PRDM16: variants seen among roughly 807,000 people sequenced by gnomAD.
The protein encoded by PRDM16 is histone-lysine N-methyltransferase PRDM16.
Under a neutral mutation model 110.6 loss-of-function variants are expected in PRDM16, and 23 were observed. The ratio of observed to expected loss-of-function variants is 0.21; its 90% CI spans 0.15 to 0.29. The LOEUF (loss-of-function observed/expected upper bound fraction) is 0.29. Among genes scored for constraint, PRDM16 ranks in the 10% least tolerant of loss-of-function variants. The probability of loss-of-function intolerance (pLI) is 1.00; values close to 1 mark genes in which losing one functional copy is unlikely to be tolerated. For synonymous variants in PRDM16, 799 were observed against 781.8 expected, an observed-to-expected ratio of 1.02 and a Z score of -0.37; for missense variants, 1,615 against 1,794.3, an observed-to-expected ratio of 0.90 and a Z score of 1.81.
intron 1 of PRDM16, among the ~76,000 whole-genome samples, chr1:3,107,354 G>A (rs79291050): frequency 0.016 from 2,396 of 152,278 alleles, 63 homozygotes; most frequent in African/African-American, 0.053. Context: ...GGCTGGGCCG[G>A]GGGAGCCATT....
Position 3,284,108 on chromosome 1 carries a change from G to A in PRDM16, c.438+39971G>A, listed in dbSNP as rs368617084. ...GGGCCTGGGGCAGGGGCTGCTGCCC[G>A]CCACCCGCCACCCGTAGCCCGCCCG... On this transcript the variant is annotated intron_variant, in intron 3 of 16. Coordinates refer to ENST00000270722, the MANE Select transcript of PRDM16 (RefSeq NM_022114.4). Among the ~76,000 whole-genome samples the A allele has an allele frequency of 2.4e-4, 37 of 152,252 alleles. No individual in the cohort carries two copies. In the East Asian group the frequency reaches 2.7e-3, roughly 11 times the overall value.
At position 3,069,878 on chromosome 1, in the gene PRDM16, G is replaced by A. The variant is rs1641705228; in HGVS notation, c.37+582G>A. On this transcript the variant is annotated intron_variant, in intron 1 of 16. Coordinates refer to ENST00000270722, the MANE Select transcript of PRDM16 (RefSeq NM_022114.4). The surrounding 1 kb of genome is among the most constrained non-coding windows in gnomAD (Gnocchi z 6.1). ...GGGGGCGCGGGCCGGCGCCCACCCGGCTCCGCGGGCGCAGGGGCAGGGGTG... is the reference window on the plus strand; with the variant it reads ...GGGGGCGCGGGCCGGCGCCCACCCGACTCCGCGGGCGCAGGGGCAGGGGTG... Among the ~76,000 whole-genome samples the A allele has an allele frequency of 6.6e-6, 1 of 151,736 alleles. No individual in the cohort carries two copies. The highest frequency in any genetic ancestry group is 1.5e-5 in the Non-Finnish European group (1 of 67,872).
chr1:3,166,424 T>G (rs980481599), intron 1 of PRDM16, among the ~76,000 whole-genome samples: 1 of 152,222 alleles, frequency 6.6e-6, no homozygotes, highest in Non-Finnish European at 1.5e-5. Context: ...AGCCAAACGC[T>G]GAGGCGCGTC....
chr1:3,150,389 CAA>C (rs34595741), intron 1 of PRDM16, among the ~76,000 whole-genome samples: 2,260 of 104,468 alleles, frequency 0.022, 67 homozygotes, highest in African/African-American at 0.068. Flanking sequence ...AACCCCATCT[CAA>C]AAAAAAAAAA....
chr1:3,376,917 T>C (rs1569610389), intron 3 of PRDM16, among the ~76,000 whole-genome samples: 1 of 152,202 alleles, frequency 6.6e-6, no homozygotes, highest in South Asian at 2.1e-4. Context: ...AGCCCCCTAT[T>C]GGGCATCAGG....
At chr1:3,272,108 G>C (rs1414416057) in intron 3 of PRDM16, among the ~76,000 whole-genome samples, 6 of 152,204 alleles carry the variant, frequency 3.9e-5, no homozygotes, top group Non-Finnish European at 7.3e-5. Flanking sequence ...GAGGTGGCTG[G>C]TGGCCAGGCA....
At chr1:3,189,541 G>A (rs919844370) in intron 2 of PRDM16, among the ~76,000 whole-genome samples, 5 of 152,244 alleles carry the variant, frequency 3.3e-5, no homozygotes, top group Admixed American at 2.6e-4. Context: ...ATGTATAATT[G>A]TTCACTTTCA....
intron 1 of PRDM16, among the ~76,000 whole-genome samples, chr1:3,129,501 G>T (rs754153937): frequency 2.6e-5 from 4 of 152,140 alleles, no homozygotes; most frequent in Non-Finnish European, 5.9e-5. Flanking sequence ...CACAACACTG[G>T]CTGAACCACA....
Position 3,437,504 on chromosome 1 carries a change from GCACTGCAGCCTTGTGGGGGAGGGCAA to G in PRDM16, c.*3694_*3719del, listed in dbSNP as rs1638942664. 1 of 229,750 alleles carries G rather than the reference GCACTGCAGCCTTGTGGGGGAGGGCAA, an allele frequency of 4.4e-6. No individual in the cohort carries two copies. Among genetic ancestry groups the G allele is most frequent in the Non-Finnish European group, 8.6e-6 (1 of 115,938 alleles). 14.2% of individuals were successfully genotyped at this position (229,750 alleles called of 1,614,324 possible). A position where few individuals can be genotyped will look rare whatever the true frequency, so the allele number is the denominator to read the frequency against. The stretch of plus-strand genomic sequence containing the variant: ...GGGAGGGAGAGCAGAGCTCGCCCCT[GCACTGCAGCCTTGTGGGGGAGGGCAA>G]GGCTCTCCTCCCAGCCAGGGACGCC... On this transcript the variant is annotated 3_prime_UTR_variant, in exon 17 of 17. Transcript: ENST00000270722.
intron 2 of PRDM16, among the ~76,000 whole-genome samples, chr1:3,196,070 A>C (rs1203115440): frequency 6.6e-6 from 1 of 152,210 alleles, no homozygotes. Flanking sequence ...AGGGGCCCAG[A>C]GGCAGGTGTG....
rs183332466 is a variant in PRDM16 at position 3,270,479 on chromosome 1, G to A, written c.438+26342G>A. ...AGGACAGTCGGCGAGGAGGACAGTC[G>A]GGGAGGACAGTTCCAGAGGAGGACA... is the stretch of plus-strand genomic sequence containing the variant. On this transcript the variant is annotated intron_variant, in intron 3 of 16. Transcript: ENST00000270722. 6.0e-4 allele frequency among the ~76,000 whole-genome samples: 91 copies of A among 151,006 alleles called. No homozygotes were observed. The East Asian group carries it at 0.015, about 25-fold the overall frequency.
At chr1:3,091,347 G>A (rs763317821) in intron 1 of PRDM16, among the ~76,000 whole-genome samples, 1 of 152,114 alleles carries the variant, frequency 6.6e-6, no homozygotes, top group African/African-American at 2.4e-5. Flanking sequence ...TGACTTAAGC[G>A]GGTGCAGCCA....
intron 1 of PRDM16, among the ~76,000 whole-genome samples, chr1:3,104,839 G>A (rs1211762552): frequency 6.6e-6 from 1 of 152,144 alleles, no homozygotes; most frequent in Non-Finnish European, 1.5e-5. Flanking sequence ...CCCAGCTCCT[G>A]GCAGCATCTG....
chr1:3,312,161 A>G (rs1641476919), intron 3 of PRDM16, among the ~76,000 whole-genome samples: 1 of 152,188 alleles, frequency 6.6e-6, no homozygotes, highest in Non-Finnish European at 1.5e-5. Flanking sequence ...TGCTGGGTTT[A>G]AATGAGATCT....
rs1484873097 is a variant in PRDM16 at position 3,434,335 on chromosome 1, T to A, written c.*524T>A. The A allele has an allele frequency of 4.3e-6, 1 of 232,646 alleles. No individual in the cohort carries two copies. The highest frequency in any genetic ancestry group is 8.5e-6 in the Non-Finnish European group (1 of 117,850). 14.4% of individuals were successfully genotyped at this position (232,646 alleles called of 1,614,324 possible). A position where few individuals can be genotyped will look rare whatever the true frequency, so the allele number is the denominator to read the frequency against. ...TATTTTTTAAAAATCAAAAAATGACTTGCAAATTGTTTTTTAAAAGTAATT... is the reference window on the plus strand; with the variant it reads ...TATTTTTTAAAAATCAAAAAATGACATGCAAATTGTTTTTTAAAAGTAATT... On this transcript the variant is annotated 3_prime_UTR_variant, in exon 17 of 17. Coordinates refer to ENST00000270722, the MANE Select transcript of PRDM16 (RefSeq NM_022114.4).
Position 3,223,369 on chromosome 1 carries a change from G to A in PRDM16, c.388-20718G>A, listed in dbSNP as rs376942000. On this transcript the variant is annotated intron_variant, in intron 2 of 16. Transcript: ENST00000270722. ...CTGTTATCGTTTGGCTGCTAGAAGC[G>A]CTGCTGATGAGCCGAAGTTCATCTT... Among the ~76,000 whole-genome samples, 82 of 152,164 alleles carry A rather than the reference G, an allele frequency of 5.4e-4. 1 individual carries two copies. In the South Asian group the frequency reaches 9.1e-3, roughly 17 times the overall value.
At position 3,364,256 on chromosome 1, in the gene PRDM16, G is replaced by A. The variant is rs76524673; in HGVS notation, c.439-20896G>A. Among the ~76,000 whole-genome samples the A allele has an allele frequency of 2.3e-4, 35 of 152,272 alleles. No homozygotes were observed. In the East Asian group the frequency reaches 3.7e-3, roughly 16 times the overall value. ...GAAGACAGAGCAAAGCTTTTCCTTC[G>A]GCGTGAGGTCCTGGGCGGAGGTCTG... On this transcript the variant is annotated intron_variant, in intron 3 of 16. Transcript: ENST00000270722.
At chr1:3,120,299 G>A (rs1219019695) in intron 1 of PRDM16, among the ~76,000 whole-genome samples, 8 of 152,132 alleles carry the variant, frequency 5.3e-5, no homozygotes, top group African/African-American at 1.9e-4. Context: ...TCCCCTCCCG[G>A]GGCACTGGAA....
chr1:3,250,911 A>G (rs1247910867), intron 3 of PRDM16, among the ~76,000 whole-genome samples: 2 of 152,086 alleles, frequency 1.3e-5, no homozygotes, highest in African/African-American at 4.8e-5. Context: ...GTGGATGGAA[A>G]CTGGGAGGCA....
Sources: gnomAD v4.1 joint callset for allele counts (sites outside exome capture counted in the v4.1 genomes callset) on GRCh38, gnomAD v4.1.1 for gene constraint, Gnocchi (gnomAD v3.1) non-coding constraint, MANE v1.5 for transcripts, NCBI Gene and HGNC (gene_info 2026-07-23, HGNC 2026-07-21) for gene names.